DAB1: variants seen among roughly 807,000 people sequenced by gnomAD.
The protein encoded by DAB1 is disabled homolog 1.
In DAB1, 15 loss-of-function variants were observed where a neutral mutation model predicts 64.6. That is an observed-to-expected ratio of 0.23 (90% CI 0.16 to 0.36). The LOEUF (loss-of-function observed/expected upper bound fraction) is 0.36, where lower values mean the gene tolerates loss of function less well. Ranked by LOEUF, DAB1 falls within the 10% of genes least tolerant of loss-of-function variation. The pLI is 1.00. For missense variants in DAB1, 596 were observed against 706.7 expected (o/e 0.84, Z 1.78); for synonymous variants, 235 against 251.9 (o/e 0.93, Z 0.64).
intron 3 of DAB1, among the ~76,000 whole-genome samples, chr1:58,489,883 T>C (rs1323615027): frequency 6.6e-6 from 1 of 152,230 alleles, no homozygotes; most frequent in Non-Finnish European, 1.5e-5. Flanking sequence ...CTGAGGGTCC[T>C]GACTGTTAGA....
At chr1:57,591,934 C>A (rs1395768096) in intron 7 of DAB1, among the ~76,000 whole-genome samples, 1 of 152,200 alleles carries the variant, frequency 6.6e-6, no homozygotes, top group Admixed American at 6.5e-5. Flanking sequence ...CTAATACCTT[C>A]TTGCGCAAGG....
intron 6 of DAB1, among the ~76,000 whole-genome samples, chr1:57,772,355 A>G (rs1367981185): frequency 6.6e-6 from 1 of 152,160 alleles, no homozygotes; most frequent in East Asian, 1.9e-4. Context: ...AATTGTGTTT[A>G]TTATTGAAAA....
At chr1:57,233,689 G>T (rs1040553615) in intron 2 of DAB1, among the ~76,000 whole-genome samples, 13 of 151,658 alleles carry the variant, frequency 8.6e-5, no homozygotes, top group Non-Finnish European at 1.2e-4. Flanking sequence ...AACCTGGGAG[G>T]CGGAAGTTTC....
At chr1:57,319,592 C>T (rs779010133) in intron 1 of DAB1, among the ~76,000 whole-genome samples, 55 of 152,180 alleles carry the variant, frequency 3.6e-4, no homozygotes, top group Non-Finnish European at 6.6e-4. Context: ...TGAGCTCTCA[C>T]ATTTTCATTA....
intron 7 of DAB1, among the ~76,000 whole-genome samples, chr1:57,475,045 A>G (rs1643917483): frequency 6.6e-6 from 1 of 152,182 alleles, no homozygotes; most frequent in East Asian, 1.9e-4. Flanking sequence ...AGATCACCTG[A>G]GGTCAGGAGC....
intron 7 of DAB1, among the ~76,000 whole-genome samples, chr1:57,447,493 C>G (rs1349953159): frequency 1.3e-5 from 2 of 152,194 alleles, no homozygotes; most frequent in East Asian, 1.9e-4. Context: ...CATTTGCACT[C>G]TCTTACTCCC....
intron 4 of DAB1, among the ~76,000 whole-genome samples, chr1:57,109,212 C>A (rs554283228): frequency 6.6e-6 from 1 of 152,174 alleles, no homozygotes; most frequent in Non-Finnish European, 1.5e-5. Context: ...ATTCTGAGGA[C>A]CAGCAGCCAG....
In DAB1 at chr1:57,164,843, T is replaced by C. The variant is rs1431984285; in HGVS notation, c.68-19414A>G. On this transcript the variant is annotated intron_variant, in intron 2 of 14. Transcript: ENST00000371236. ...GAGACACCTCTGGTTCCTTATAATA[T>C]GCCCTCCTATTACAGTCAGGTCTAC... Among the ~76,000 whole-genome samples the C allele has an allele frequency of 2.0e-5, 3 of 152,152 alleles. No individual in the cohort carries two copies. The East Asian group carries it at 5.8e-4, about 29-fold the overall frequency.
At chr1:58,074,548 AC>A (rs1649491979) in intron 5 of DAB1, 1 of 85,186 alleles carries the variant, frequency 1.2e-5, no homozygotes, top group Non-Finnish European at 2.2e-5. Flanking sequence ...ATATATACAC[AC>A]ATATATATAT....
chr1:58,032,672 TG>T (rs1445300303), intron 5 of DAB1, among the ~76,000 whole-genome samples: 3 of 152,220 alleles, frequency 2.0e-5, no homozygotes, highest in Non-Finnish European at 4.4e-5. Context: ...TAGGCAGAGC[TG>T]GACTCTAAAC....
At chr1:57,016,505 C>A (rs1646436810) in intron 11 of DAB1, among the ~76,000 whole-genome samples, 1 of 151,750 alleles carries the variant, frequency 6.6e-6, no homozygotes, top group African/African-American at 2.4e-5. Context: ...GCGGGAGGAT[C>A]ACTTGAGCCC....
At chr1:57,476,717 T>C (rs1643943332) in intron 7 of DAB1, among the ~76,000 whole-genome samples, 1 of 152,204 alleles carries the variant, frequency 6.6e-6, no homozygotes, top group African/African-American at 2.4e-5. Flanking sequence ...GACTGACATG[T>C]AAGCAGTTAA....
chr1:56,999,995 C>T lies in DAB1; in HGVS notation c.*16-1867G>A, dbSNP rs957378133. Among the ~76,000 whole-genome samples the T allele has an allele frequency of 2.0e-5, 3 of 149,602 alleles. No homozygotes were observed. The South Asian group carries it at 6.4e-4, about 32-fold the overall frequency. On this transcript the variant is annotated intron_variant, in intron 14 of 14. Transcript: ENST00000371236. ...TGACAGAAAAGTACGGAAGCCCATT[C>T]TTCCATGTCCTACTTCTAGGTTACC...
At chr1:58,370,538 C>T (rs571534765) in intron 3 of DAB1, among the ~76,000 whole-genome samples, 29 of 152,068 alleles carry the variant, frequency 1.9e-4, no homozygotes, top group South Asian at 8.3e-4. Context: ...GAGTTATTCA[C>T]GTTATCTGTT....
chr1:58,151,283 G>A (rs1034037291), intron 4 of DAB1, among the ~76,000 whole-genome samples: 25 of 152,178 alleles, frequency 1.6e-4, no homozygotes, highest in African/African-American at 5.8e-4. Context: ...CTTCCATAAT[G>A]GTTGAACTAG....
intron 1 of DAB1, among the ~76,000 whole-genome samples, chr1:57,407,505 GAGA>G (rs1683737590): frequency 2.0e-5 from 3 of 152,156 alleles, no homozygotes; most frequent in Admixed American, 2.0e-4. Context: ...GGCTGAAGGA[GAGA>G]AGAATGACCC....
chr1:58,412,406 G>A (rs1018896123), intron 3 of DAB1, among the ~76,000 whole-genome samples: 1 of 152,116 alleles, frequency 6.6e-6, no homozygotes, highest in Non-Finnish European at 1.5e-5. Flanking sequence ...TTGGGTTTTT[G>A]TCACTTCAAA....
intron 3 of DAB1, among the ~76,000 whole-genome samples, chr1:57,144,758 T>C (rs1281304706): frequency 6.6e-6 from 1 of 152,090 alleles, no homozygotes; most frequent in Admixed American, 6.6e-5. Context: ...AAGGCTTCTT[T>C]ATAGCATTTA....
chr1:57,899,092 T>C (rs1388455477), intron 5 of DAB1, among the ~76,000 whole-genome samples: 1 of 152,156 alleles, frequency 6.6e-6, no homozygotes, highest in Non-Finnish European at 1.5e-5. Context: ...ATGGGTTTTT[T>C]CATATGTAGA....
Sources: allele counts gnomAD v4.1 joint callset (sites outside exome capture counted in the v4.1 genomes callset), GRCh38; gene constraint gnomAD v4.1.1; transcripts MANE v1.5; gene names NCBI Gene and HGNC (gene_info 2026-07-23, HGNC 2026-07-21).